Variants in GATB observed in about 807,000 individuals in gnomAD.
GATB encodes the protein glutamyl-tRNA(Gln) amidotransferase subunit B, mitochondrial.
Under a neutral mutation model 62.3 loss-of-function variants are expected in GATB, and 39 were observed. The ratio of observed to expected loss-of-function variants is 0.63; its 90% CI spans 0.48 to 0.82. The LOEUF is 0.82. GATB is among the 40% of genes least tolerant of loss of function. GATB has a pLI of 0.00. For synonymous variants in GATB, 276 were observed against 258.9 expected, an observed-to-expected ratio of 1.07 and a Z score of -0.63; for missense variants, 670 against 684.0, an observed-to-expected ratio of 0.98 and a Z score of 0.23.
intron 10 of GATB, chr4:151,686,865 T>G (rs1345381998): frequency 2.0e-5 from 3 of 152,388 alleles, no homozygotes; most frequent in Non-Finnish European, 4.4e-5. Context: ...ACTTACGTTG[T>G]GCTGTGTCCC....
Position 151,688,571 on chromosome 4 carries a change from C to T in GATB, c.1331+59G>A, listed in dbSNP as rs114938221. 3.0e-4 allele frequency: 455 copies of T among 1,533,532 alleles called. 2 individuals carry two copies. The African/African-American group carries it at 6.0e-3, about 20-fold the overall frequency. The allele number at this position is 1,533,532 out of a possible 1,614,324, so 95.0% of individuals were successfully genotyped here. Reference sequence around the variant, plus strand: ...GCAAAAAAATGGACCTGCCCTATTTCCAGCACTTCTGGACAGAGCTCATCA... The same window carrying T: ...GCAAAAAAATGGACCTGCCCTATTTTCAGCACTTCTGGACAGAGCTCATCA... On this transcript the variant is annotated intron_variant, in intron 10 of 12. Transcript: ENST00000263985.
At chr4:151,706,910 C>T (rs1250614831) in intron 6 of GATB, among the ~76,000 whole-genome samples, 3 of 152,196 alleles carry the variant, frequency 2.0e-5, no homozygotes, top group Non-Finnish European at 4.4e-5. Context: ...TTTAAAAAAT[C>T]TTTTTAGTCC....
intron 2 of GATB, among the ~76,000 whole-genome samples, chr4:151,737,076 G>A (rs188879087): frequency 1.3e-5 from 2 of 152,342 alleles, no homozygotes; most frequent in East Asian, 1.9e-4. Context: ...AAATGTGGAA[G>A]TGACTTTCGA....
chr4:151,705,187 C>A lies in GATB; in HGVS notation c.960G>T (p.Leu320=). The A allele has an allele frequency of 6.2e-7, 1 of 1,611,524 alleles. No homozygotes were observed. Among genetic ancestry groups the A allele is most frequent in the Non-Finnish European group, 8.5e-7 (1 of 1,177,688 alleles). ...GACGCTCAGCAATGCGAACTCACCC[C>A]AGCTTGTGATGAAATGAGCGTGTTT... The part of the protein sequence containing the change: ...LNETRSFHHK[L]GCTMSMRDKE... Residue 320 remains leucine (L), a splice_region_variant and synonymous_variant, in exon 7 of 13, where the codon CTG becomes CTT. Coordinates refer to ENST00000263985, the MANE Select transcript of GATB (RefSeq NM_004564.3).
rs1190079687 is a variant in GATB at position 151,675,028 on chromosome 4, G to A, written c.1411-2132C>T. 4 of 152,338 alleles carry A rather than the reference G, an allele frequency of 2.6e-5. No individual in the cohort carries two copies. In the East Asian group the frequency reaches 7.7e-4, roughly 29 times the overall value. 9.4% of individuals were successfully genotyped at this position (152,338 alleles called of 1,614,324 possible). A position where few individuals can be genotyped will look rare whatever the true frequency, so the allele number is the denominator to read the frequency against. Reference sequence around the variant, plus strand: ...AGACCCTGAGCAGGCTGGCCAGTGAGCCAGCCTCTTTCTGACGGGACCCAC... The same window carrying A: ...AGACCCTGAGCAGGCTGGCCAGTGAACCAGCCTCTTTCTGACGGGACCCAC... On this transcript the variant is annotated intron_variant, in intron 11 of 12. Transcript: ENST00000263985.
chr4:151,758,892 C>G lies in GATB; in HGVS notation c.207G>C (p.Leu69Phe), dbSNP rs1171879661. Reference sequence around the variant, plus strand: ...TGGAGGAAATCTGGGCATGAATTTCCAAACCTACCACAGCAGCCCATTTGT... The same window carrying G: ...TGGAGGAAATCTGGGCATGAATTTCGAAACCTACCACAGCAGCCCATTTGT... ...GEHKWAAVVG[L>F]EIHAQISSNS... The change falls in exon 2 of 13, where the codon TTG (leucine) becomes TTC (phenylalanine). Residue 69 changes from leucine (L) to phenylalanine (F), a missense_variant. Leu to Phe is a conservative substitution (Grantham distance 22). Transcript: ENST00000263985. 1.9e-6 allele frequency: 3 copies of G among 1,610,572 alleles called. No individual in the cohort carries two copies. The highest frequency in any genetic ancestry group is 2.5e-6 in the Non-Finnish European group (3 of 1,178,224).
intron 7 of GATB, among the ~76,000 whole-genome samples, chr4:151,704,875 A>G (rs748474640): frequency 6.3e-4 from 96 of 151,198 alleles, no homozygotes; most frequent in Non-Finnish European, 1.1e-3. Context: ...CAGCCTCCCA[A>G]ATAGCTGGGA....
chr4:151,758,713 C>T, intron 2 of GATB, 59 bp downstream of exon 2: 1 of 1,278,784 alleles, frequency 7.8e-7, no homozygotes, highest in Non-Finnish European at 1.1e-6. Context: ...AATAATTTTC[C>T]ATGTTCAATA....
intron 2 of GATB, among the ~76,000 whole-genome samples, chr4:151,736,456 A>G (rs1328126186): frequency 2.0e-5 from 3 of 152,166 alleles, no homozygotes; most frequent in Non-Finnish European, 4.4e-5. Flanking sequence ...GTAAATGTAT[A>G]TGTATATTTA....
intron 9 of GATB, among the ~76,000 whole-genome samples, chr4:151,690,325 C>A (rs1052708888): frequency 1.3e-5 from 2 of 152,242 alleles, no homozygotes; most frequent in Non-Finnish European, 2.9e-5. Context: ...AATCTCTTTT[C>A]AAGCCAGTGC....
intron 9 of GATB, among the ~76,000 whole-genome samples, chr4:151,697,987 A>ATATATATATG (rs1738522352): frequency 1.4e-5 from 2 of 139,246 alleles, no homozygotes; most frequent in Non-Finnish European, 3.1e-5. Context: ...ATATATATAT[A>ATATATATATG]TATATATGAA....
intron 5 of GATB, among the ~76,000 whole-genome samples, chr4:151,715,717 T>A (rs922273601): frequency 6.6e-6 from 1 of 152,226 alleles, no homozygotes; most frequent in Non-Finnish European, 1.5e-5. Flanking sequence ...GTCTTCTTCC[T>A]GAGAAAGACT....
intron 2 of GATB, chr4:151,723,970 G>T (rs1739082100): frequency 1.3e-5 from 2 of 152,130 alleles, no homozygotes; most frequent in Admixed American, 6.5e-5. Context: ...ATAAAGAATT[G>T]CTTGTCTGGC....
At chr4:151,688,512 T>C (rs1738297032) in intron 10 of GATB, 118 bp downstream of exon 10, 3 of 934,638 alleles carry the variant, frequency 3.2e-6, no homozygotes, top group East Asian at 4.9e-5. Flanking sequence ...GATGTTTGTG[T>C]CATGTCAGGA....
In GATB at chr4:151,693,510, CT is replaced by C. The variant is rs1171144807; in HGVS notation, c.1198-4748del. On this transcript the variant is annotated intron_variant, in intron 9 of 12. Coordinates refer to ENST00000263985, the MANE Select transcript of GATB (RefSeq NM_004564.3). ...CTGGCACAGGAAACACGACCCCCCC[CT>C]CAAGAGTGTCAGGAGAAAGCTAGAA... 7.9e-5 allele frequency among the ~76,000 whole-genome samples: 12 copies of C among 151,482 alleles called. No individual in the cohort carries two copies. The East Asian group carries it at 9.8e-4, about 12-fold the overall frequency.
intron 2 of GATB, among the ~76,000 whole-genome samples, chr4:151,752,446 T>C (rs1167813362): frequency 6.6e-6 from 1 of 152,198 alleles, no homozygotes; most frequent in Non-Finnish European, 1.5e-5. Flanking sequence ...CTGAACTTCC[T>C]GGACTGATTC....
intron 10 of GATB, 96 bp downstream of exon 10, chr4:151,688,534 A>G: frequency 8.4e-7 from 1 of 1,195,122 alleles, no homozygotes; most frequent in Non-Finnish European, 1.2e-6. Flanking sequence ...ATCCTGAGGG[A>G]GAACAGCAGG....
chr4:151,675,519 T>G (rs1442663756), intron 11 of GATB: 1 of 152,172 alleles, frequency 6.6e-6, no homozygotes, highest in African/African-American at 2.4e-5. Context: ...CGGCCCTGTC[T>G]CCAGGCCAGA....
At chr4:151,723,234 A>G (rs771979338) in intron 2 of GATB, 11 of 152,160 alleles carry the variant, frequency 7.2e-5, no homozygotes, top group Non-Finnish European at 1.2e-4. Flanking sequence ...TGTGCTGCAC[A>G]TCACACACAC....
Sources: gnomAD v4.1 joint callset for allele counts (sites outside exome capture counted in the v4.1 genomes callset) on GRCh38, gnomAD v4.1.1 for gene constraint, MANE v1.5 for transcripts, NCBI Gene and HGNC (gene_info 2026-07-23, HGNC 2026-07-21) for gene names.